The following PRKAR1B variants were observed in gnomAD, a reference collection of about 807,000 sequenced individuals.
The protein encoded by PRKAR1B is protein kinase cAMP-dependent type I regulatory subunit beta.
PRKAR1B carries 22 observed loss-of-function variants against 46.5 expected under a neutral mutation model. That is an observed-to-expected ratio of 0.47 (90% CI 0.34 to 0.68). The LOEUF is 0.68. PRKAR1B is among the 30% of genes least tolerant of loss of function. The pLI is 0.01. For missense variants in PRKAR1B, 445 were observed against 535.6 expected (o/e 0.83, Z 1.67); for synonymous variants, 259 against 217.7 (o/e 1.19, Z -1.67).
intron 2 of PRKAR1B, among the ~76,000 whole-genome samples, chr7:706,237 G>C (rs1406846265): frequency 6.6e-6 from 1 of 151,978 alleles, no homozygotes; most frequent in African/African-American, 2.4e-5. Context: ...GAGGTGGGAA[G>C]ATGGCTTGAG....
chr7:682,977 C>A (rs1294780456), intron 2 of PRKAR1B, among the ~76,000 whole-genome samples: 4 of 152,188 alleles, frequency 2.6e-5, no homozygotes, highest in African/African-American at 9.7e-5. Context: ...GGCTTTCCTG[C>A]CGGTCCTCTG....
chr7:685,853 C>T (rs954419467), intron 2 of PRKAR1B, among the ~76,000 whole-genome samples: 1 of 152,056 alleles, frequency 6.6e-6, no homozygotes, highest in African/African-American at 2.4e-5. Flanking sequence ...AATTTACTTA[C>T]AAAGCATAAA....
intron 8 of PRKAR1B, among the ~76,000 whole-genome samples, chr7:583,622 ACT>A (rs1304672981): frequency 2.0e-5 from 2 of 98,568 alleles, no homozygotes; most frequent in African/African-American, 8.7e-5. Flanking sequence ...ACACGTGCAC[ACT>A]CAAACCCCCA....
chr7:560,684 T>C lies in PRKAR1B; in HGVS notation c.892-9214A>G, dbSNP rs183974611. Reference sequence around the variant, plus strand: ...GCCAGTCTCAGGCAAGGCCCATAGCTGCTCCAGCCTCAGCTGCCTCATCTG... The same window carrying C: ...GCCAGTCTCAGGCAAGGCCCATAGCCGCTCCAGCCTCAGCTGCCTCATCTG... On this transcript the variant is annotated intron_variant, in intron 9 of 10. Transcript: ENST00000537384. This position sits in a 1 kb window ranked among gnomAD's most constrained non-coding sequence, Gnocchi z 4.2. 2.6e-5 allele frequency among the ~76,000 whole-genome samples: 4 copies of C among 152,314 alleles called. No individual in the cohort carries two copies. The East Asian group carries it at 7.7e-4, about 29-fold the overall frequency.
At chr7:636,909 A>G (rs1368295167) in intron 4 of PRKAR1B, among the ~76,000 whole-genome samples, 5 of 152,192 alleles carry the variant, frequency 3.3e-5, no homozygotes, top group Non-Finnish European at 7.3e-5. Context: ...GCGAGTGGGA[A>G]AGAACGGCCG....
At position 596,245 on chromosome 7, in the gene PRKAR1B, C is replaced by T. The variant is rs1161982182; in HGVS notation, c.609G>A (p.Leu203=). ...NISEGGSFGE[L]ALIYGTPRAA... ...CCCTGGGGGTGCCGTAGATGAGCGC[C>T]AGCTCCCCGAAGCTGCCTCCCTCGC... Residue 203 remains leucine (L), a synonymous_variant, in exon 7 of 11, where the codon CTG becomes CTA. Transcript: ENST00000537384. The T allele has an allele frequency of 1.2e-6, 2 of 1,614,040 alleles. No homozygotes were observed. The highest frequency in any genetic ancestry group is 1.7e-5 in the Admixed American group (1 of 60,020).
intron 4 of PRKAR1B, among the ~76,000 whole-genome samples, chr7:609,039 C>T (rs1260862112): frequency 6.9e-6 from 1 of 144,612 alleles, no homozygotes; most frequent in Admixed American, 6.8e-5. Flanking sequence ...CACTGTCCTC[C>T]CACCTGGGGA....
intron 4 of PRKAR1B, among the ~76,000 whole-genome samples, chr7:661,544 C>T (rs1486786538): frequency 3.1e-5 from 2 of 64,910 alleles, no homozygotes; most frequent in African/African-American, 6.6e-5. Context: ...ATCCAAATAC[C>T]TACTCTCCCC....
At chr7:679,912 AC>A (rs1778562246) in intron 3 of PRKAR1B, among the ~76,000 whole-genome samples, 1 of 152,162 alleles carries the variant, frequency 6.6e-6, no homozygotes, top group Non-Finnish European at 1.5e-5. Flanking sequence ...TAACCCCAGC[AC>A]TTTGGGAGGC....
chr7:715,081 A>C (rs1780825736), intron 1 of PRKAR1B, among the ~76,000 whole-genome samples: 1 of 152,178 alleles, frequency 6.6e-6, no homozygotes, highest in Non-Finnish European at 1.5e-5. Context: ...AGCTACTCAG[A>C]AAGCTGAAGC....
intron 7 of PRKAR1B, among the ~76,000 whole-genome samples, chr7:588,379 T>A (rs974566782): frequency 1.3e-4 from 20 of 152,266 alleles, no homozygotes; most frequent in Non-Finnish European, 2.4e-4. Context: ...GAGAACTGAT[T>A]CTCAACAAAT....
intron 4 of PRKAR1B, among the ~76,000 whole-genome samples, chr7:647,886 C>CATG (rs902036982): frequency 3.5e-4 from 53 of 150,336 alleles, no homozygotes; most frequent in African/African-American, 1.3e-3. Flanking sequence ...TATGGCCGGG[C>CATG]ATGGTGGCTC....
intron 8 of PRKAR1B, among the ~76,000 whole-genome samples, chr7:580,280 G>A (rs910400318): frequency 1.3e-5 from 2 of 151,406 alleles, no homozygotes; most frequent in African/African-American, 4.9e-5. Flanking sequence ...CTGGCCGGGT[G>A]CAGTGGCTCA....
rs1297575343 is a variant in PRKAR1B at position 560,870 on chromosome 7, G to GGGGCCACGA, written c.892-9409_892-9401dup. On this transcript the variant is annotated intron_variant, in intron 9 of 10. Coordinates refer to ENST00000537384, the MANE Select transcript of PRKAR1B (RefSeq NM_001164760.2). This position sits in a 1 kb window ranked among gnomAD's most constrained non-coding sequence, Gnocchi z 4.2. ...CACCAAATGCCTTCTCAGGGCCACG[G>GGGGCCACGA]GGGCCACGACACGTTCCTCCCTCCA... Among the ~76,000 whole-genome samples, 22 of 152,168 alleles carry GGGGCCACGA rather than the reference G, an allele frequency of 1.4e-4. 1 individual carries two copies. Among genetic ancestry groups the GGGGCCACGA allele is most frequent in the African/African-American group, 5.3e-4 (22 of 41,420 alleles).
chr7:559,642 C>T (rs10242821), intron 9 of PRKAR1B, among the ~76,000 whole-genome samples: 34,146 of 152,098 alleles, frequency 0.22, 4,009 homozygotes, highest in Non-Finnish European at 0.25. Context: ...TCTTCCTATG[C>T]GGGACGCCAC....
chr7:636,293 C>CTGT (rs2128482183), intron 4 of PRKAR1B, among the ~76,000 whole-genome samples: 1 of 7,888 alleles, frequency 1.3e-4, no homozygotes, highest in Non-Finnish European at 2.6e-4. Context: ...CTCCACCGGC[C>CTGT]GCGCCCTCAC....
chr7:648,336 G>T (rs1784726422), intron 4 of PRKAR1B, among the ~76,000 whole-genome samples: 3 of 152,238 alleles, frequency 2.0e-5, no homozygotes, highest in Non-Finnish European at 4.4e-5. Context: ...CATAGGCAGG[G>T]CATGGTGGCT....
At chr7:658,597 G>A (rs540395962) in intron 4 of PRKAR1B, among the ~76,000 whole-genome samples, 29 of 152,284 alleles carry the variant, frequency 1.9e-4, no homozygotes, top group Non-Finnish European at 3.1e-4. Context: ...GGCGGCTCAC[G>A]AAAGCCACTC....
chr7:641,411 C>CCG (rs756395073), intron 4 of PRKAR1B, among the ~76,000 whole-genome samples: 5 of 152,184 alleles, frequency 3.3e-5, no homozygotes, highest in Non-Finnish European at 7.3e-5. Flanking sequence ...ACAAATGATG[C>CCG]CGCATTGTTC....
Sources: allele counts gnomAD v4.1 joint callset (sites outside exome capture counted in the v4.1 genomes callset), GRCh38; gene constraint gnomAD v4.1.1; non-coding constraint Gnocchi (gnomAD v3.1); transcripts MANE v1.5; gene names NCBI Gene and HGNC (gene_info 2026-07-23, HGNC 2026-07-21).